The following PSCA variants were observed in gnomAD, a reference collection of about 807,000 sequenced individuals.
PSCA encodes prostate stem cell antigen.
A neutral mutation model predicts 7.9 loss-of-function variants in PSCA; 7 were observed. The observed-to-expected ratio is 0.89, with a 90% CI of 0.51 to 1.67. The LOEUF is 1.67. Among genes scored for constraint, PSCA ranks in the 40% most tolerant of loss-of-function variants. The probability of loss-of-function intolerance (pLI) is 0.00; values close to 1 mark genes in which losing one functional copy is unlikely to be tolerated. For missense variants in PSCA, 151 were observed against 147.9 expected (o/e 1.02, Z -0.11); for synonymous variants, 61 against 68.3 (o/e 0.89, Z 0.53).
chr8:142,682,645 C>T lies in PSCA; in HGVS notation c.*513C>T. 1 of 350,716 alleles carries T rather than the reference C, an allele frequency of 2.9e-6. No homozygotes were observed. The highest frequency in any genetic ancestry group is 2.2e-5 in the South Asian group (1 of 46,132). The allele number at this position is 350,716 out of a possible 1,614,324, so 21.7% of individuals were successfully genotyped here. On this transcript the variant is annotated 3_prime_UTR_variant, in exon 3 of 3. Coordinates refer to ENST00000301258, the MANE Select transcript of PSCA (RefSeq NM_005672.5). ...GGCCTGGAGGCCTGGAGGAAGGGGC[C>T]AGGCCTCACATTCGTGGGGCTCCCT...
chr8:142,678,479 A>G (rs1244025517), upstream of PSCA, among the ~76,000 whole-genome samples: 1 of 152,232 alleles, frequency 6.6e-6, no homozygotes, highest in Non-Finnish European at 1.5e-5. Context: ...AGCGGCCACA[A>G]GTCCCCCTCA....
intron 1 of PSCA, among the ~76,000 whole-genome samples, chr8:142,675,348 T>A (rs1001843625): frequency 6.6e-6 from 1 of 152,034 alleles, no homozygotes; most frequent in Non-Finnish European, 1.5e-5. Flanking sequence ...GGGAGCTGGT[T>A]TGGGGCAGGG....
At chr8:142,678,504 C>T (rs587736789), upstream of PSCA, among the ~76,000 whole-genome samples, 1 of 152,360 alleles carries the variant, frequency 6.6e-6, no homozygotes, top group African/African-American at 2.4e-5. Context: ...CAGCCAGCAG[C>T]AGGAAGCCAC....
chr8:142,680,623 G>T, intron 1 of PSCA, 60 bp downstream of exon 1: 1 of 1,541,864 alleles, frequency 6.5e-7, no homozygotes, highest in South Asian at 1.2e-5. Flanking sequence ...GGAGGCCAGA[G>T]GGATACCTGC....
upstream of PSCA, chr8:142,680,388 A>G (rs1847447654): frequency 9.5e-6 from 8 of 846,476 alleles, no homozygotes; most frequent in South Asian, 1.3e-4. Flanking sequence ...GGACCTGCCC[A>G]GCCCCGGGGC....
upstream of PSCA, among the ~76,000 whole-genome samples, chr8:142,677,701 A>C (rs1242820105): frequency 6.6e-6 from 1 of 151,950 alleles, no homozygotes; most frequent in African/African-American, 2.4e-5. Context: ...CTGAGCTTAC[A>C]GGACATGGGC....
upstream of PSCA, among the ~76,000 whole-genome samples, chr8:142,675,696 C>T (rs116287098): frequency 1.3e-3 from 205 of 152,318 alleles, no homozygotes; most frequent in African/African-American, 4.7e-3. Flanking sequence ...CACTCCCATG[C>T]CCACATAGTT....
At chr8:142,672,816 T>C (rs906577929) in intron 1 of PSCA, among the ~76,000 whole-genome samples, 1 of 152,214 alleles carries the variant, frequency 6.6e-6, no homozygotes, top group African/African-American at 2.4e-5. Flanking sequence ...ATAGGCAGGC[T>C]TGAGGAGGCA....
At position 142,673,719 on chromosome 8, in the gene PSCA, C is replaced by T. The variant is rs1436703498; in HGVS notation, n.261+3151C>T. Among the ~76,000 whole-genome samples, 2 of 152,174 alleles carry T rather than the reference C, an allele frequency of 1.3e-5. No individual in the cohort carries two copies. The highest frequency in any genetic ancestry group is 2.9e-5 in the Non-Finnish European group (2 of 68,024). ...ATGGTCCTCCTGTGCACTGAGTTTG[C>T]GTCCAGGTGGGGCCACAGGACCGGC... On this transcript the variant is annotated intron_variant and non_coding_transcript_variant, in intron 1 of 1. Transcript: ENST00000505305. The surrounding 1 kb of genome is among the most constrained non-coding windows in gnomAD (Gnocchi z 4.6).
At chr8:142,681,502 C>G in intron 2 of PSCA, 68 bp downstream of exon 2, 1 of 1,381,328 alleles carries the variant, frequency 7.2e-7, no homozygotes, top group Non-Finnish European at 1.0e-6. Context: ...TTCTGGCCAT[C>G]TGTCCGCATC....
At position 142,682,111 on chromosome 8, in the gene PSCA, C is replaced by G. The variant is rs1195195587; in HGVS notation, c.324C>G (p.Leu108=). The G allele has an allele frequency of 6.2e-7, 1 of 1,602,360 alleles. No homozygotes were observed. The highest frequency in any genetic ancestry group is 1.3e-5 in the African/African-American group (1 of 75,034). ...TGCTCCCTGCACTCGGCCTGCTGCT[C>G]TGGGGACCCGGCCAGCTCTAGGCTC... is the stretch of plus-strand genomic sequence containing the variant. ...LALLPALGLL[L]WGPGQL The change falls in exon 3 of 3, where the codon CTC becomes CTG. Residue 108 remains leucine (L), a synonymous_variant. Transcript: ENST00000301258.
intron 2 of PSCA, 90 bp downstream of exon 2, chr8:142,681,524 T>C: frequency 8.2e-7 from 1 of 1,223,056 alleles, no homozygotes; most frequent in African/African-American, 1.5e-5. Flanking sequence ...GTGTGCTGTT[T>C]TCCTTCCACC....
chr8:142,679,642 T>C (rs1554638123), upstream of PSCA, among the ~76,000 whole-genome samples: 1 of 152,228 alleles, frequency 6.6e-6, no homozygotes, highest in Admixed American at 6.5e-5. Context: ...ACTGGGGGCT[T>C]CCAGGTTATA....
At chr8:142,679,487 GAC>G (rs1390107411), upstream of PSCA, among the ~76,000 whole-genome samples, 54 of 152,364 alleles carry the variant, frequency 3.5e-4, no homozygotes, top group African/African-American at 1.2e-3. Context: ...CATGGCCTGT[GAC>G]ACAGCCCCCA....
chr8:142,677,846 A>G (rs1847416381), upstream of PSCA, among the ~76,000 whole-genome samples: 1 of 152,132 alleles, frequency 6.6e-6, no homozygotes, highest in East Asian at 1.9e-4. Context: ...CACTTGCCAG[A>G]GAAGAGACAA....
At position 142,682,305 on chromosome 8, in the gene PSCA, C is replaced by T. The variant is rs782114997; in HGVS notation, c.*173C>T. 2 of 804,978 alleles carry T rather than the reference C, an allele frequency of 2.5e-6. No individual in the cohort carries two copies. The highest frequency in any genetic ancestry group is 1.5e-5 in the South Asian group (1 of 68,806). 49.9% of individuals were successfully genotyped at this position (804,978 alleles called of 1,614,324 possible). A position where few individuals can be genotyped will look rare whatever the true frequency, so the allele number is the denominator to read the frequency against. On this transcript the variant is annotated 3_prime_UTR_variant, in exon 3 of 3. Coordinates refer to ENST00000301258, the MANE Select transcript of PSCA (RefSeq NM_005672.5). Reference sequence around the variant, plus strand: ...CCCCCACCCTGACCCTCCCATGGCCCTCTCCAGGACTCCCACCCGGCAGAT... The same window carrying T: ...CCCCCACCCTGACCCTCCCATGGCCTTCTCCAGGACTCCCACCCGGCAGAT...
At chr8:142,676,597 C>G (rs1847404072), upstream of PSCA, 1 of 152,240 alleles carries the variant, frequency 6.6e-6, no homozygotes, top group Non-Finnish European at 1.5e-5. Flanking sequence ...CCTACCATTA[C>G]TCAGGGAACC....
upstream of PSCA, among the ~76,000 whole-genome samples, chr8:142,679,567 A>G (rs1231323120): frequency 1.3e-5 from 2 of 152,266 alleles, no homozygotes; most frequent in African/African-American, 4.8e-5. Context: ...TTAGGGAGAC[A>G]TGAGACATCA....
intron 2 of PSCA, 157 bp downstream of exon 2, chr8:142,681,591 C>T (rs1319798857): frequency 4.4e-6 from 3 of 678,418 alleles, no homozygotes; most frequent in East Asian, 2.7e-5. Flanking sequence ...TCTGTCCCTC[C>T]AGCCATCCTC....
Sources: gnomAD v4.1 joint callset for allele counts (sites outside exome capture counted in the v4.1 genomes callset) on GRCh38, gnomAD v4.1.1 for gene constraint, Gnocchi (gnomAD v3.1) non-coding constraint, MANE v1.5 for transcripts, NCBI Gene and HGNC (gene_info 2026-07-23, HGNC 2026-07-21) for gene names.